Variants in CDH11 observed in about 807,000 individuals in gnomAD.
CDH11 encodes cadherin 11.
CDH11 carries 11 observed loss-of-function variants against 67.8 expected under a neutral mutation model. The ratio of observed to expected loss-of-function variants is 0.16; its 90% CI spans 0.10 to 0.27. The LOEUF is 0.27. Ranked by LOEUF, CDH11 falls within the 10% of genes least tolerant of loss-of-function variation. The probability of loss-of-function intolerance (pLI) is 1.00; values close to 1 mark genes in which losing one functional copy is unlikely to be tolerated. For synonymous variants in CDH11, 419 were observed against 400.0 expected (o/e 1.05, Z -0.57); for missense variants, 847 against 1,031.2 (o/e 0.82, Z 2.45).
In CDH11 at chr16:64,957,136, C is replaced by T. The variant is rs182596212; in HGVS notation, c.1643-6118G>A. Among the ~76,000 whole-genome samples the T allele has an allele frequency of 4.5e-4, 68 of 152,246 alleles. 1 individual carries two copies. Among genetic ancestry groups the T allele is most frequent in the Non-Finnish European group, 2.4e-4 (16 of 68,018 alleles). On this transcript the variant is annotated intron_variant, in intron 11 of 12. Coordinates refer to ENST00000268603, the MANE Select transcript of CDH11 (RefSeq NM_001797.4). The stretch of plus-strand genomic sequence containing the variant: ...AGGAGAGAGGCTTATCCCAGGGCAA[C>T]GGCATCAGTCACTCAGCAGCTTCCC...
Position 64,947,990 on chromosome 16 carries a change from A to G in CDH11, c.2004T>C (p.Gly668=), listed in dbSNP as rs765325404. The G allele has an allele frequency of 4.3e-6, 7 of 1,613,940 alleles. No homozygotes were observed. The South Asian group carries it at 7.7e-5, about 18-fold the overall frequency. ...CAAAGGCTTCTGTGTCTTCTTCCCC[A>G]CCCCCTTCATCATCATAAGTAATGA... ...ENIITYDDEG[G]GEEDTEAFDI... The change falls in exon 13 of 13, where the codon GGT becomes GGC. Residue 668 remains glycine (G), a synonymous_variant. Coordinates refer to ENST00000268603, the MANE Select transcript of CDH11 (RefSeq NM_001797.4).
At position 64,944,038 on chromosome 16, in the gene CDH11, T is replaced by C. The variant is rs887898255; in HGVS notation, c.*3565A>G. ...GGAACCGAAAGATGGCCAGTGTGGC[T>C]GGAGCATCGTGCACTGAAAGGAGGA... On this transcript the variant is annotated 3_prime_UTR_variant, in exon 13 of 13. Coordinates refer to ENST00000268603, the MANE Select transcript of CDH11 (RefSeq NM_001797.4). The C allele has an allele frequency of 3.9e-5, 9 of 232,424 alleles. No homozygotes were observed. Among genetic ancestry groups the C allele is most frequent in the South Asian group, 1.8e-4 (1 of 5,524 alleles). 14.4% of individuals were successfully genotyped at this position (232,424 alleles called of 1,614,324 possible).
Position 64,973,003 on chromosome 16 carries a change from A to G in CDH11, c.1291T>C (p.Phe431Leu), listed in dbSNP as rs947097577. 7.4e-6 allele frequency: 12 copies of G among 1,613,694 alleles called. No individual in the cohort carries two copies. In the African/African-American group the frequency reaches 1.1e-4, roughly 14 times the overall value. Residue 431 changes from phenylalanine to leucine, a missense_variant, in exon 9 of 13, where the codon TTC becomes CTC. By Grantham distance (22) the Phe-to-Leu change is conservative. Coordinates refer to ENST00000268603, the MANE Select transcript of CDH11 (RefSeq NM_001797.4). ...AAACCATCCTCTGGATTAATAGTGA[A>G]AAATCTGTCGAGGTCAGTGTGACGA... Reference protein sequence around the residue: ...IDRHTDLDRFFTINPEDGFIK... With the variant: ...IDRHTDLDRFLTINPEDGFIK...
chr16:65,019,134 T>C (rs912255244), intron 2 of CDH11, among the ~76,000 whole-genome samples: 3 of 152,206 alleles, frequency 2.0e-5, no homozygotes, highest in Non-Finnish European at 2.9e-5. Context: ...ATGTTTCCTC[T>C]ATGATTTTAA....
intron 7 of CDH11, chr16:64,985,737 G>A (rs1049899475): frequency 1.3e-5 from 2 of 148,442 alleles, no homozygotes; most frequent in Non-Finnish European, 3.0e-5. Context: ...GGTAGAGCAC[G>A]TGCTTAATGA....
chr16:64,948,209 AG>A (rs1596999944), intron 12 of CDH11, 110 bp from the exon 13 acceptor site: 1 of 1,364,184 alleles, frequency 7.3e-7, no homozygotes. Context: ...TGCTCAGAAC[AG>A]GAAACAGTAT....
At chr16:65,031,295 T>C (rs1034308924) in intron 2 of CDH11, among the ~76,000 whole-genome samples, 2 of 152,174 alleles carry the variant, frequency 1.3e-5, no homozygotes, top group Non-Finnish European at 2.9e-5. Context: ...AGCAAACAAA[T>C]GTTGTTATGG....
At chr16:65,027,326 C>T (rs999779198) in intron 2 of CDH11, among the ~76,000 whole-genome samples, 1 of 152,204 alleles carries the variant, frequency 6.6e-6, no homozygotes, top group African/African-American at 2.4e-5. Context: ...GGATGTCTCC[C>T]CAGGCCCAAA....
At chr16:65,072,416 T>C (rs1367091374) in intron 1 of CDH11, among the ~76,000 whole-genome samples, 1 of 152,194 alleles carries the variant, frequency 6.6e-6, no homozygotes, top group Non-Finnish European at 1.5e-5. Flanking sequence ...CCCACCAGGC[T>C]CATGGTACCC....
In CDH11 at chr16:65,004,787, C is replaced by T. The variant is rs527451513; in HGVS notation, c.83G>A (p.Arg28Gln). Reference protein sequence around the residue: ...CHSHAFAPERRGHLRPSFHGH... With the variant: ...CHSHAFAPERQGHLRPSFHGH... ...ATGGAAGGAGGGCCGCAGGTGCCCC[C>T]GCCGCTCTGGGGCAAAGGCATGGCT... Residue 28 changes from arginine (R) to glutamine (Q), a missense_variant, in exon 3 of 13, where the codon CGG (arginine) becomes CAG (glutamine). Around this residue, in one of 2 missense-constraint regions of CDH11, gnomAD observed 235 missense variants for 352.5 expected, o/e 0.67. Transcript: ENST00000268603. The T allele has an allele frequency of 7.0e-5, 112 of 1,601,336 alleles. No individual in the cohort carries two copies. Among genetic ancestry groups the T allele is most frequent in the Admixed American group, 5.1e-4 (30 of 58,350 alleles).
At chr16:64,982,784 G>A (rs1196996006) in intron 7 of CDH11, 1 of 154,550 alleles carries the variant, frequency 6.5e-6, no homozygotes, top group Non-Finnish European at 1.4e-5. Flanking sequence ...CATGTTGAAA[G>A]TTTCTGACCA....
intron 1 of CDH11, among the ~76,000 whole-genome samples, chr16:65,091,898 T>C (rs2074799061): frequency 6.6e-6 from 1 of 152,164 alleles, no homozygotes; most frequent in South Asian, 2.1e-4. Flanking sequence ...ATTCACTCAA[T>C]TGGCTAGTGT....
At chr16:64,948,295 G>C (rs544580508) in intron 12 of CDH11, among the ~76,000 whole-genome samples, 196 bp from the exon 13 acceptor site, 1 of 152,134 alleles carries the variant, frequency 6.6e-6, no homozygotes, top group Non-Finnish European at 1.5e-5. Flanking sequence ...CTCTACAAAT[G>C]CTGCCATGAA....
chr16:64,999,603 G>A (rs933724421), intron 3 of CDH11, among the ~76,000 whole-genome samples: 2 of 151,828 alleles, frequency 1.3e-5, no homozygotes, highest in African/African-American at 2.4e-5. Flanking sequence ...GCATGATCTC[G>A]GCTCACTGCA....
At chr16:65,057,398 T>C (rs2142729689) in intron 1 of CDH11, among the ~76,000 whole-genome samples, 1 of 152,316 alleles carries the variant, frequency 6.6e-6, no homozygotes, top group African/African-American at 2.4e-5. Context: ...ATCATTGTGC[T>C]TGGCTGCCCA....
intron 1 of CDH11, among the ~76,000 whole-genome samples, chr16:65,085,544 G>A (rs985485292): frequency 2.0e-5 from 3 of 152,156 alleles, no homozygotes; most frequent in Middle Eastern, 3.2e-3. Context: ...TACTTAACAC[G>A]TGTCAAAATT....
chr16:65,053,335 A>G (rs2074088958), intron 2 of CDH11, among the ~76,000 whole-genome samples: 1 of 152,112 alleles, frequency 6.6e-6, no homozygotes, highest in South Asian at 2.1e-4. Flanking sequence ...TGGGTGTAGA[A>G]ATCAGGCCTC....
chr16:64,996,497 A>AAG (rs1220824484), intron 4 of CDH11, among the ~76,000 whole-genome samples: 1 of 151,690 alleles, frequency 6.6e-6, no homozygotes, highest in Non-Finnish European at 1.5e-5. Flanking sequence ...CTCAGAAAAA[A>AAG]AAAAAAAAAA....
rs1349235609 is a variant in CDH11 at position 65,043,331 on chromosome 16, G to C, written c.-173+10473C>G. On this transcript the variant is annotated intron_variant, in intron 2 of 12. Coordinates refer to ENST00000268603, the MANE Select transcript of CDH11 (RefSeq NM_001797.4). ...TTATCTGGGACGCTGACTCTGAGAT[G>C]GAGTTTAGCATGGGGATGTTTACTA... Among the ~76,000 whole-genome samples the C allele has an allele frequency of 2.5e-3, 377 of 152,256 alleles. 3 individuals carry two copies. The highest frequency in any genetic ancestry group is 8.4e-3 in the African/African-American group (349 of 41,542).
Sources: allele counts gnomAD v4.1 joint callset (sites outside exome capture counted in the v4.1 genomes callset), GRCh38; gene constraint gnomAD v4.1.1; regional missense constraint gnomAD v4.1.1; transcripts MANE v1.5; gene names NCBI Gene and HGNC (gene_info 2026-07-23, HGNC 2026-07-21).